The following SYNCRIP variants were observed in gnomAD, a reference collection of about 807,000 sequenced individuals.
SYNCRIP encodes heterogeneous nuclear ribonucleoprotein Q.
Under a neutral mutation model 68.9 loss-of-function variants are expected in SYNCRIP, and 9 were observed. That is an observed-to-expected ratio of 0.13 (90% CI 0.08 to 0.23). The LOEUF (loss-of-function observed/expected upper bound fraction) is 0.23. Ranked by LOEUF, SYNCRIP falls within the 10% of genes least tolerant of loss-of-function variation. The pLI is 1.00. For synonymous variants in SYNCRIP, 258 were observed against 254.0 expected, an observed-to-expected ratio of 1.02 and a Z score of -0.15; for missense variants, 414 against 770.6, an observed-to-expected ratio of 0.54 and a Z score of 5.48.
intron 6 of SYNCRIP, 119 bp from the exon 7 acceptor site, chr6:85,624,231 C>G: frequency 1.1e-6 from 1 of 941,180 alleles, no homozygotes; most frequent in African/African-American, 1.7e-5. Flanking sequence ...AATTCCCATA[C>G]AAGGGAATTA....
rs1367320807 is a variant in SYNCRIP, at chr6:85,641,470, C to T, written c.-12-19G>A. 3.1e-6 allele frequency: 5 copies of T among 1,593,272 alleles called. No individual in the cohort carries two copies. The highest frequency in any genetic ancestry group is 2.7e-5 in the African/African-American group (2 of 73,922). ...CAGAGATCTGTTCAAACGCAATAAG[C>T]AAAATTAAACTAGGATCTTCAAAAA... is the stretch of plus-strand genomic sequence containing the variant. On this transcript the variant is annotated intron_variant, in intron 1 of 10. Coordinates refer to ENST00000369622, the MANE Select transcript of SYNCRIP (RefSeq NM_006372.5).
intron 8 of SYNCRIP, 113 bp from the exon 9 acceptor site, chr6:85,619,530 G>T: frequency 2.2e-6 from 2 of 896,394 alleles, no homozygotes; most frequent in Non-Finnish European, 1.6e-6. Context: ...AAGAATGTCA[G>T]AATATAAAAA....
chr6:85,612,665 AGTTTAAT>A (rs1805337265), downstream of SYNCRIP: 1 of 396,412 alleles, frequency 2.5e-6, no homozygotes, highest in Non-Finnish European at 4.5e-6. Context: ...GAGTAGCTTT[AGTTTAAT>A]AACTTGCACT....
At chr6:85,633,326 G>A (rs1440268674) in intron 6 of SYNCRIP, among the ~76,000 whole-genome samples, 1 of 151,476 alleles carries the variant, frequency 6.6e-6, no homozygotes, top group Non-Finnish European at 1.5e-5. Flanking sequence ...GCTGGGTGTG[G>A]TGGCTCACAC....
At chr6:85,617,490 A>T (rs1432951585) in intron 10 of SYNCRIP, among the ~76,000 whole-genome samples, 1 of 152,248 alleles carries the variant, frequency 6.6e-6, no homozygotes, top group African/African-American at 2.4e-5. Flanking sequence ...AATATAGAGC[A>T]TTAAAACTAA....
At chr6:85,632,538 T>A (rs1368582530) in intron 6 of SYNCRIP, among the ~76,000 whole-genome samples, 2 of 152,252 alleles carry the variant, frequency 1.3e-5, no homozygotes, top group East Asian at 3.8e-4. Context: ...TTGAGATTTG[T>A]ATTTTCTCTA....
At chr6:85,607,815 C>T (rs1335588418), downstream of SYNCRIP, 1 of 151,980 alleles carries the variant, frequency 6.6e-6, no homozygotes, top group Admixed American at 6.6e-5. Flanking sequence ...AGGACTTCTC[C>T]CACACTCAAA....
At chr6:85,641,487 C>A (rs370079263) in intron 1 of SYNCRIP, 36 bp from the exon 2 acceptor site, 2 of 1,583,446 alleles carry the variant, frequency 1.3e-6, no homozygotes, top group Non-Finnish European at 1.7e-6. Flanking sequence ...AAACTAGGAT[C>A]TTCAAAAAGA....
At chr6:85,641,246 C>T in intron 2 of SYNCRIP, 46 bp downstream of exon 2, 7 of 1,547,480 alleles carry the variant, frequency 4.5e-6, no homozygotes, top group Non-Finnish European at 6.2e-6. Flanking sequence ...GCCAGAAATC[C>T]AATAGAAAAA....
At chr6:85,630,786 C>T (rs976039182) in intron 6 of SYNCRIP, among the ~76,000 whole-genome samples, 7 of 152,214 alleles carry the variant, frequency 4.6e-5, no homozygotes, top group African/African-American at 1.7e-4. Context: ...CATAATGGGG[C>T]ACAGTTCTAA....
At chr6:85,623,930 T>C in intron 7 of SYNCRIP, 47 bp downstream of exon 7, 4 of 1,600,546 alleles carry the variant, frequency 2.5e-6, no homozygotes, top group South Asian at 1.1e-5. Context: ...ATGCTATTAA[T>C]CTTCATTATT....
At chr6:85,618,530 G>A (rs1646799710) in intron 10 of SYNCRIP, among the ~76,000 whole-genome samples, 1 of 151,922 alleles carries the variant, frequency 6.6e-6, no homozygotes, top group African/African-American at 2.4e-5. Flanking sequence ...GACAAAGTGA[G>A]ACTCTGTCAC....
At chr6:85,636,265 C>T (rs531063686) in intron 6 of SYNCRIP, among the ~76,000 whole-genome samples, 5 of 151,988 alleles carry the variant, frequency 3.3e-5, no homozygotes, top group Non-Finnish European at 7.4e-5. Flanking sequence ...GCCAACATGG[C>T]GAAACCCCAT....
At chr6:85,638,380 C>CAAAAAAAAAAAAAAAAAA (rs71003001) in intron 4 of SYNCRIP, among the ~76,000 whole-genome samples, 2 of 42,852 alleles carry the variant, frequency 4.7e-5, no homozygotes, top group Non-Finnish European at 7.8e-5. Context: ...GACCCCATCT[C>CAAAAAAAAAAAAAAAAAA]AAAAAAAAAA....
At chr6:85,633,257 A>AAAAC (rs200347817) in intron 6 of SYNCRIP, among the ~76,000 whole-genome samples, 4 of 137,860 alleles carry the variant, frequency 2.9e-5, no homozygotes, top group African/African-American at 6.5e-5. Context: ...CTCCATCTCA[A>AAAAC]AAACAAATAA....
At chr6:85,636,656 C>T (rs943766124) in intron 6 of SYNCRIP, among the ~76,000 whole-genome samples, 1 of 152,036 alleles carries the variant, frequency 6.6e-6, no homozygotes, top group Non-Finnish European at 1.5e-5. Context: ...AGAGCTCTTA[C>T]CACAGTTACT....
chr6:85,619,709 G>A (rs1806173676), intron 8 of SYNCRIP, among the ~76,000 whole-genome samples: 1 of 152,150 alleles, frequency 6.6e-6, no homozygotes, highest in Non-Finnish European at 1.5e-5. Context: ...AAAACTATTA[G>A]AATGGCCAAA....
chr6:85,636,419 C>T (rs1456976137), intron 6 of SYNCRIP, among the ~76,000 whole-genome samples: 1 of 148,670 alleles, frequency 6.7e-6, no homozygotes, highest in Non-Finnish European at 1.5e-5. Context: ...TCAGCCTGGG[C>T]AAGAGAGAGA....
chr6:85,628,806 T>C (rs758986299), intron 6 of SYNCRIP, among the ~76,000 whole-genome samples: 2 of 152,146 alleles, frequency 1.3e-5, no homozygotes, highest in African/African-American at 4.8e-5. Flanking sequence ...CTATCAAAAG[T>C]TTTTCAGATC....
Sources: gnomAD v4.1 joint callset for allele counts (sites outside exome capture counted in the v4.1 genomes callset) on GRCh38, gnomAD v4.1.1 for gene constraint, MANE v1.5 for transcripts, NCBI Gene and HGNC (gene_info 2026-07-23, HGNC 2026-07-21) for gene names.